The following SYNDIG1L variants were observed in gnomAD, a reference collection of about 807,000 sequenced individuals.
SYNDIG1L encodes synapse differentiation inducing 1 like, also known as synapse differentiation-inducing gene protein 1-like.
SYNDIG1L carries 13 observed loss-of-function variants against 20.1 expected under a neutral mutation model. The ratio of observed to expected loss-of-function variants is 0.65; its 90% confidence interval spans 0.42 to 1.03. The LOEUF (loss-of-function observed/expected upper bound fraction) is 1.03. Among genes scored for constraint, SYNDIG1L ranks in the 50% least tolerant of loss-of-function variants. The pLI is 0.00. For missense variants in SYNDIG1L, 294 were observed against 305.1 expected (o/e 0.96, Z 0.27); for synonymous variants, 128 against 129.3 (o/e 0.99, Z 0.07).
chr14:74,443,859 G>C, the SYNDIG1L span, among the ~76,000 whole-genome samples: 9 of 152,108 alleles, frequency 5.9e-5, no homozygotes, highest in South Asian at 4.1e-4. Context: ...AGGGGTCAGG[G>C]GGATGACTTC....
the SYNDIG1L span, among the ~76,000 whole-genome samples, chr14:74,473,051 C>A: frequency 4.6e-5 from 7 of 152,060 alleles, no homozygotes; most frequent in Non-Finnish European, 1.5e-5. Context: ...CCAAATTAAC[C>A]AAGACCAGTA....
At chr14:74,412,063 T>G (rs2086135548) in intron 1 of SYNDIG1L, among the ~76,000 whole-genome samples, 1 of 152,212 alleles carries the variant, frequency 6.6e-6, no homozygotes. Flanking sequence ...GGGCAGGTCA[T>G]GCAGACTTGG....
the SYNDIG1L span, among the ~76,000 whole-genome samples, chr14:74,436,849 C>CA: frequency 0.47 from 41,876 of 89,074 alleles, 9,127 homozygotes; most frequent in Non-Finnish European, 0.49. Flanking sequence ...AAACTCGTCT[C>CA]AAAAAAAAAA....
chr14:74,424,011 G>T (rs2086245741), intron 1 of SYNDIG1L, among the ~76,000 whole-genome samples: 1 of 152,144 alleles, frequency 6.6e-6, no homozygotes, highest in African/African-American at 2.4e-5. Flanking sequence ...GGGTTCTTAA[G>T]AAAACATCAG....
chr14:74,431,646 T>C, the SYNDIG1L span, among the ~76,000 whole-genome samples: 1 of 152,092 alleles, frequency 6.6e-6, no homozygotes, highest in Non-Finnish European at 1.5e-5. Flanking sequence ...GCTGATTTTT[T>C]CCCCCACTGT....
At chr14:74,408,499 G>T (rs916366633) in intron 2 of SYNDIG1L, among the ~76,000 whole-genome samples, 1 of 151,786 alleles carries the variant, frequency 6.6e-6, no homozygotes, top group East Asian at 1.9e-4. Context: ...GGGAGGCGGG[G>T]GTTGCAGTGA....
chr14:74,410,353 G>A (rs2086121269), intron 1 of SYNDIG1L, among the ~76,000 whole-genome samples: 1 of 152,200 alleles, frequency 6.6e-6, no homozygotes, highest in South Asian at 2.1e-4. Context: ...AGGGAAGAAT[G>A]TGTGCAAAGG....
chr14:74,477,066 A>C, the SYNDIG1L span, among the ~76,000 whole-genome samples: 4 of 47,774 alleles, frequency 8.4e-5, no homozygotes, highest in South Asian at 8.8e-4. Context: ...ACACACACAC[A>C]CACACACACA....
chr14:74,413,660 A>G (rs2086151176), intron 1 of SYNDIG1L, among the ~76,000 whole-genome samples: 1 of 151,994 alleles, frequency 6.6e-6, no homozygotes, highest in Non-Finnish European at 1.5e-5. Flanking sequence ...TTAAGTGCAT[A>G]GATTTCTTCT....
chr14:74,465,427 G>T, the SYNDIG1L span, among the ~76,000 whole-genome samples: 2,155 of 152,250 alleles, frequency 0.014, 31 homozygotes, highest in Admixed American at 0.051. Flanking sequence ...CCCCACCATT[G>T]CCTGGAGAGT....
At chr14:74,414,047 C>T (rs1450694868) in intron 1 of SYNDIG1L, among the ~76,000 whole-genome samples, 1 of 152,222 alleles carries the variant, frequency 6.6e-6, no homozygotes, top group Non-Finnish European at 1.5e-5. Flanking sequence ...CCTGGCCTTT[C>T]AGCCCATTCC....
At chr14:74,433,462 C>T in the SYNDIG1L span, among the ~76,000 whole-genome samples, 2 of 152,038 alleles carry the variant, frequency 1.3e-5, no homozygotes, top group African/African-American at 4.8e-5. Flanking sequence ...TGGCCCGCTG[C>T]AACCTCCACC....
chr14:74,447,082 A>T, the SYNDIG1L span, among the ~76,000 whole-genome samples: 1 of 152,232 alleles, frequency 6.6e-6, no homozygotes, highest in Non-Finnish European at 1.5e-5. Flanking sequence ...CTCTATTAAA[A>T]GATATTTTTT....
the SYNDIG1L span, among the ~76,000 whole-genome samples, chr14:74,435,919 A>T: frequency 6.6e-6 from 1 of 152,208 alleles, no homozygotes; most frequent in Admixed American, 6.5e-5. Flanking sequence ...AGTGTGTCCA[A>T]GTTTCTACCA....
chr14:74,479,730 A>G, the SYNDIG1L span: 1 of 169,892 alleles, frequency 5.9e-6, no homozygotes, highest in Non-Finnish European at 1.3e-5. Flanking sequence ...TCTTTCGAGC[A>G]TGCTTGGTGG....
chr14:74,436,631 C>T, the SYNDIG1L span, among the ~76,000 whole-genome samples: 1 of 151,754 alleles, frequency 6.6e-6, no homozygotes, highest in Non-Finnish European at 1.5e-5. Context: ...GGCGGATCTT[C>T]TGAAGTTAGG....
the SYNDIG1L span, among the ~76,000 whole-genome samples, chr14:74,434,673 G>A: frequency 6.7e-6 from 1 of 149,648 alleles, no homozygotes; most frequent in Non-Finnish European, 1.5e-5. Flanking sequence ...GAGAGAGAGA[G>A]AGTTTCTACA....
At chr14:74,441,604 C>T in the SYNDIG1L span, among the ~76,000 whole-genome samples, 3 of 152,146 alleles carry the variant, frequency 2.0e-5, no homozygotes, top group Non-Finnish European at 4.4e-5. Flanking sequence ...TTCCTGGGCT[C>T]AAGTGATCCT....
chr14:74,415,373 G>T (rs1435229282), intron 1 of SYNDIG1L, among the ~76,000 whole-genome samples: 1 of 152,106 alleles, frequency 6.6e-6, no homozygotes, highest in Non-Finnish European at 1.5e-5. Context: ...TACCCTAACG[G>T]TTTATGATTC....
Sources: gnomAD v4.1 joint callset for allele counts (sites outside exome capture counted in the v4.1 genomes callset) on GRCh38, gnomAD v4.1.1 for gene constraint, MANE v1.5 for transcripts, NCBI Gene and HGNC (gene_info 2026-07-23, HGNC 2026-07-21) for gene names.